EPHA4: variants seen among roughly 807,000 people sequenced by gnomAD.
The protein encoded by EPHA4 is EPH receptor A4.
A neutral mutation model predicts 108.3 loss-of-function variants in EPHA4; 19 were observed. The ratio of observed to expected loss-of-function variants is 0.18; its 90% CI spans 0.12 to 0.26. EPHA4 has a LOEUF of 0.26. Among genes scored for constraint, EPHA4 ranks in the 10% least tolerant of loss-of-function variants. EPHA4 has a pLI of 1.00. For missense variants in EPHA4, 917 were observed against 1,254.0 expected (o/e 0.73, Z 4.06); for synonymous variants, 449 against 455.5 (o/e 0.99, Z 0.18).
intron 3 of EPHA4, among the ~76,000 whole-genome samples, chr2:221,505,399 C>T (rs1692598352): frequency 6.6e-6 from 1 of 151,986 alleles, no homozygotes; most frequent in Non-Finnish European, 1.5e-5. Context: ...GGCCTCAGCT[C>T]ACTGCAACCT....
intron 2 of EPHA4, among the ~76,000 whole-genome samples, chr2:221,568,456 T>C (rs1387374719): frequency 1.3e-5 from 2 of 152,248 alleles, no homozygotes; most frequent in Non-Finnish European, 2.9e-5. Flanking sequence ...ATTTTAGTTT[T>C]AAATAGGCAT....
intron 3 of EPHA4, among the ~76,000 whole-genome samples, chr2:221,511,982 A>G (rs1249164943): frequency 6.6e-6 from 1 of 152,146 alleles, no homozygotes; most frequent in Non-Finnish European, 1.5e-5. Flanking sequence ...TTTTTAGGGT[A>G]TTTTCCTTTT....
At chr2:221,518,803 G>T (rs1693067526) in intron 3 of EPHA4, among the ~76,000 whole-genome samples, 1 of 152,180 alleles carries the variant, frequency 6.6e-6, no homozygotes, top group African/African-American at 2.4e-5. Context: ...CCTAACACGG[G>T]TAAGCAAGCA....
intron 8 of EPHA4, among the ~76,000 whole-genome samples, chr2:221,450,973 G>A (rs1477437864): frequency 6.6e-6 from 1 of 152,156 alleles, no homozygotes; most frequent in Admixed American, 6.5e-5. Flanking sequence ...CAGCACTCTG[G>A]GAGGCCGAGG....
chr2:221,499,921 T>C (rs1259767647), intron 4 of EPHA4, among the ~76,000 whole-genome samples: 1 of 151,012 alleles, frequency 6.6e-6, no homozygotes, highest in East Asian at 2.0e-4. Flanking sequence ...CCATGCCAGC[T>C]AATTTTTGTA....
intron 3 of EPHA4, among the ~76,000 whole-genome samples, chr2:221,527,962 T>G (rs948775353): frequency 1.3e-5 from 2 of 152,116 alleles, no homozygotes; most frequent in African/African-American, 4.8e-5. Context: ...AAAGACATTC[T>G]TTCACAAGTT....
intron 8 of EPHA4, among the ~76,000 whole-genome samples, 170 bp from the exon 9 acceptor site, chr2:221,446,351 T>C (rs1361466178): frequency 2.6e-5 from 4 of 152,046 alleles, no homozygotes; most frequent in Non-Finnish European, 4.4e-5. Context: ...ACCTGGGTAG[T>C]GAGTCATGGT....
chr2:221,521,837 C>T (rs1693173303), intron 3 of EPHA4, among the ~76,000 whole-genome samples: 1 of 152,012 alleles, frequency 6.6e-6, no homozygotes, highest in Non-Finnish European at 1.5e-5. Flanking sequence ...ATTAGGTGGG[C>T]ATGATGGCAC....
rs751138156 is a variant in EPHA4 at position 221,430,020 on chromosome 2, G to T, written c.2628C>A (p.Asn876Lys). The T allele has an allele frequency of 2.5e-6, 4 of 1,613,944 alleles. No individual in the cohort carries two copies. In the African/African-American group the frequency reaches 5.3e-5, roughly 22 times the overall value. The change falls in exon 15 of 18, where the codon AAC becomes AAA. Residue 876 changes from asparagine to lysine, a missense_variant. Physicochemically the swap from Asn to Lys is moderately conservative, Grantham distance 94. Coordinates refer to ENST00000281821, the MANE Select transcript of EPHA4 (RefSeq NM_004438.5). ...GGTTGCGGATGAGTTTGTCCAACATGTTGACAATCTGCCCAAATTTAGGCC... is the reference window on the plus strand; with the variant it reads ...GGTTGCGGATGAGTTTGTCCAACATTTTGACAATCTGCCCAAATTTAGGCC... Reference protein sequence around the residue: ...SDRPKFGQIVNMLDKLIRNPN... With the variant: ...SDRPKFGQIVKMLDKLIRNPN...
intron 5 of EPHA4, among the ~76,000 whole-genome samples, chr2:221,458,549 A>T (rs146487707): frequency 6.6e-6 from 1 of 152,252 alleles, no homozygotes; most frequent in Non-Finnish European, 1.5e-5. Flanking sequence ...TCTGAACACA[A>T]CCATGTAAAT....
intron 3 of EPHA4, among the ~76,000 whole-genome samples, chr2:221,504,355 A>AAGGAGGAGGAGG (rs1234865438): frequency 6.6e-6 from 1 of 151,986 alleles, no homozygotes; most frequent in African/African-American, 2.4e-5. Flanking sequence ...GGAGGAGGAG[A>AAGGAGGAGGAGG]AGGAGGAGGA....
chr2:221,436,147 A>C (rs1690225959), intron 13 of EPHA4, among the ~76,000 whole-genome samples: 2 of 152,176 alleles, frequency 1.3e-5, no homozygotes, highest in South Asian at 2.1e-4. Context: ...TCCCAAAAAA[A>C]AACATAGAGG....
chr2:221,446,588 T>A (rs1302128932), intron 8 of EPHA4, among the ~76,000 whole-genome samples: 1 of 152,140 alleles, frequency 6.6e-6, no homozygotes, highest in Admixed American at 6.6e-5. Flanking sequence ...AAATTAAATT[T>A]CCATGAGTAA....
At chr2:221,497,372 G>A (rs913897087) in intron 4 of EPHA4, among the ~76,000 whole-genome samples, 17 of 152,172 alleles carry the variant, frequency 1.1e-4, no homozygotes, top group Non-Finnish European at 2.1e-4. Context: ...AGTTGATGGC[G>A]TCGCCATCAG....
chr2:221,515,905 T>A (rs962211221), intron 3 of EPHA4, among the ~76,000 whole-genome samples: 2 of 151,792 alleles, frequency 1.3e-5, no homozygotes, highest in Non-Finnish European at 2.9e-5. Context: ...AAAATAGGAT[T>A]TTTTCCCCCT....
chr2:221,498,305 G>C (rs1317130738), intron 4 of EPHA4, among the ~76,000 whole-genome samples: 1 of 152,118 alleles, frequency 6.6e-6, no homozygotes, highest in Non-Finnish European at 1.5e-5. Flanking sequence ...AGTAAGTGGG[G>C]GAGTACATGA....
At chr2:221,493,805 A>G (rs920085236) in intron 4 of EPHA4, among the ~76,000 whole-genome samples, 1 of 152,240 alleles carries the variant, frequency 6.6e-6, no homozygotes, top group African/African-American at 2.4e-5. Context: ...GGCTGTTTCA[A>G]TTTCTTGATA....
At chr2:221,569,078 A>C (rs1694753872) in intron 1 of EPHA4, among the ~76,000 whole-genome samples, 1 of 152,226 alleles carries the variant, frequency 6.6e-6, no homozygotes, top group Non-Finnish European at 1.5e-5. Flanking sequence ...GTACAATTCA[A>C]AAAGATAAAT....
At chr2:221,485,843 A>G (rs567662211) in intron 4 of EPHA4, among the ~76,000 whole-genome samples, 1 of 130,316 alleles carries the variant, frequency 7.7e-6, no homozygotes, top group African/African-American at 2.8e-5. Context: ...CCAAAAGCCA[A>G]TCTGGGCCTG....
Sources: gnomAD v4.1 joint callset for allele counts (sites outside exome capture counted in the v4.1 genomes callset) on GRCh38, gnomAD v4.1.1 for gene constraint, MANE v1.5 for transcripts, NCBI Gene and HGNC (gene_info 2026-07-23, HGNC 2026-07-21) for gene names.